DHRS7B: variants seen among roughly 807,000 people sequenced by gnomAD.
The protein encoded by DHRS7B is dehydrogenase/reductase 7B.
DHRS7B carries 24 observed loss-of-function variants against 26.4 expected under a neutral mutation model. The ratio of observed to expected loss-of-function variants is 0.91; its 90% confidence interval spans 0.66 to 1.28. The LOEUF (loss-of-function observed/expected upper bound fraction) is 1.28, where lower values mean the gene tolerates loss of function less well. Among genes scored for constraint, DHRS7B ranks in the 50% most tolerant of loss-of-function variants. DHRS7B has a pLI of 0.00. For synonymous variants in DHRS7B, 142 were observed against 166.4 expected (o/e 0.85, Z 1.13); for missense variants, 368 against 419.4 (o/e 0.88, Z 1.07).
At chr17:21,134,484 A>C (rs1324770341) in intron 1 of DHRS7B, among the ~76,000 whole-genome samples, 1 of 152,112 alleles carries the variant, frequency 6.6e-6, no homozygotes, top group Non-Finnish European at 1.5e-5. Flanking sequence ...TTTACTTACC[A>C]CAGGTCAGAA....
rs556727966 is a variant in DHRS7B, at chr17:21,136,545, T to G, written c.20+9554T>G. On this transcript the variant is annotated intron_variant, in intron 1 of 6. Coordinates refer to ENST00000395511, the MANE Select transcript of DHRS7B (RefSeq NM_015510.5). ...AAAAAAGAAAAGGTTTTGTGGGTTTTTTTGTTTGTTTGTTTGTTTGTTTTG... is the reference window on the plus strand; with the variant it reads ...AAAAAAGAAAAGGTTTTGTGGGTTTGTTTGTTTGTTTGTTTGTTTGTTTTG... 1.0e-2 allele frequency among the ~76,000 whole-genome samples: 1,509 copies of G among 151,160 alleles called. 91 individuals are homozygous for G. Among genetic ancestry groups the G allele is most frequent in the African/African-American group, 0.034 (1,417 of 41,272 alleles).
intron 1 of DHRS7B, among the ~76,000 whole-genome samples, chr17:21,161,128 T>C (rs969934791): frequency 4.6e-5 from 7 of 152,194 alleles, no homozygotes; most frequent in East Asian, 1.9e-4. Flanking sequence ...ATGATAGATA[T>C]ATGTCAGTAT....
intron 1 of DHRS7B, among the ~76,000 whole-genome samples, chr17:21,148,105 A>G (rs964499294): frequency 3.9e-5 from 6 of 152,046 alleles, no homozygotes; most frequent in African/African-American, 1.4e-4. Context: ...TGTAGAGACA[A>G]GTTCTCACCA....
chr17:21,189,520 G>A (rs1259320408), intron 6 of DHRS7B, among the ~76,000 whole-genome samples: 1 of 152,200 alleles, frequency 6.6e-6, no homozygotes, highest in African/African-American at 2.4e-5. Flanking sequence ...CTCCAGTGCT[G>A]TCCTGCCATG....
chr17:21,152,610 G>T (rs1021929397), intron 1 of DHRS7B, among the ~76,000 whole-genome samples: 120 of 152,122 alleles, frequency 7.9e-4, no homozygotes, highest in African/African-American at 2.8e-3. Context: ...ACATCCCTTT[G>T]TGCTTCCAGC....
At chr17:21,164,927 C>T (rs1034826350) in intron 1 of DHRS7B, among the ~76,000 whole-genome samples, 13 of 152,180 alleles carry the variant, frequency 8.5e-5, no homozygotes, top group African/African-American at 1.2e-4. Context: ...TCAAACATGA[C>T]GAGCCCTTAA....
chr17:21,190,822 TG>T, intron 6 of DHRS7B, 125 bp from the exon 7 acceptor site: 1 of 933,826 alleles, frequency 1.1e-6, no homozygotes, highest in Non-Finnish European at 1.6e-6. Context: ...ACTGGCTTCC[TG>T]GCCCTGGGAA....
chr17:21,162,803 C>T (rs759196190), intron 1 of DHRS7B, among the ~76,000 whole-genome samples: 1 of 152,164 alleles, frequency 6.6e-6, no homozygotes, highest in African/African-American at 2.4e-5. Context: ...CTTCTGCTTT[C>T]TACTTATCAA....
chr17:21,150,119 A>AC (rs1567619778), intron 1 of DHRS7B, among the ~76,000 whole-genome samples: 15 of 118,778 alleles, frequency 1.3e-4, no homozygotes, highest in African/African-American at 4.1e-4. Context: ...AAAAAAAAAA[A>AC]AAAAAAAAAA....
intron 3 of DHRS7B, among the ~76,000 whole-genome samples, chr17:21,181,200 C>T (rs988587155): frequency 9.9e-5 from 15 of 152,182 alleles, no homozygotes; most frequent in African/African-American, 3.6e-4. Flanking sequence ...AATCCTCTGC[C>T]TCAGCCTCCT....
chr17:21,188,030 T>G (rs932189816), intron 5 of DHRS7B, among the ~76,000 whole-genome samples: 5 of 151,978 alleles, frequency 3.3e-5, no homozygotes, highest in African/African-American at 1.2e-4. Flanking sequence ...TTTTGTATAT[T>G]TAGTAGAGAC....
In DHRS7B at chr17:21,131,653, A is replaced by G. The variant is rs549687450; in HGVS notation, c.20+4662A>G. On this transcript the variant is annotated intron_variant, in intron 1 of 6. Coordinates refer to ENST00000395511, the MANE Select transcript of DHRS7B (RefSeq NM_015510.5). ...ATGCAGCCCAGTAGGTCTCAGCCTT[A>G]TTTTACCCAGCCTCTATTCAAAATA... Among the ~76,000 whole-genome samples the G allele has an allele frequency of 9.2e-5, 14 of 152,254 alleles. 1 individual carries two copies. In the South Asian group the frequency reaches 2.9e-3, roughly 32 times the overall value.
chr17:21,190,590 G>A (rs973550146), intron 6 of DHRS7B, among the ~76,000 whole-genome samples: 1 of 152,346 alleles, frequency 6.6e-6, no homozygotes. Flanking sequence ...GGTGCGGTGT[G>A]AGGGGGTCAC....
intron 1 of DHRS7B, among the ~76,000 whole-genome samples, chr17:21,141,372 A>G (rs1282227402): frequency 2.6e-5 from 4 of 152,258 alleles, no homozygotes; most frequent in Middle Eastern, 3.4e-3. Flanking sequence ...GAGAAAAAGC[A>G]ATAGGGAAGA....
intron 1 of DHRS7B, among the ~76,000 whole-genome samples, chr17:21,136,546 TTTGTTTG>T (rs1458478591): frequency 1.6e-5 from 1 of 63,232 alleles, no homozygotes; most frequent in East Asian, 5.1e-4. Flanking sequence ...TGTGGGTTTT[TTTGTTTG>T]TTTGTTTGTT....
intron 3 of DHRS7B, among the ~76,000 whole-genome samples, chr17:21,182,035 A>G (rs570613078): frequency 1.8e-4 from 27 of 152,262 alleles, no homozygotes; most frequent in Middle Eastern, 6.8e-3. Context: ...AAGGCTTTCC[A>G]TCTTTTTCCA....
At chr17:21,180,277 G>A (rs1025596561) in intron 3 of DHRS7B, among the ~76,000 whole-genome samples, 1 of 152,004 alleles carries the variant, frequency 6.6e-6, no homozygotes, top group Middle Eastern at 3.4e-3. Flanking sequence ...GTTTCACCGT[G>A]TTGGCCAGAA....
chr17:21,140,769 A>T (rs1041663007), intron 1 of DHRS7B, among the ~76,000 whole-genome samples: 1 of 152,204 alleles, frequency 6.6e-6, no homozygotes, highest in Non-Finnish European at 1.5e-5. Flanking sequence ...GAATGTGCAC[A>T]GAGACCATAT....
intron 5 of DHRS7B, among the ~76,000 whole-genome samples, chr17:21,187,541 G>GT (rs1342754902): frequency 2.0e-5 from 3 of 151,140 alleles, no homozygotes; most frequent in Non-Finnish European, 4.4e-5. Flanking sequence ...GAGAAGAACG[G>GT]TGTGAACCCG....
Sources: allele counts gnomAD v4.1 joint callset (sites outside exome capture counted in the v4.1 genomes callset), GRCh38; gene constraint gnomAD v4.1.1; transcripts MANE v1.5; gene names NCBI Gene and HGNC (gene_info 2026-07-23, HGNC 2026-07-21).